Variants in CREBBP observed in about 807,000 individuals in gnomAD.
CREBBP encodes the protein CREB binding lysine acetyltransferase, also known as CREB-binding protein.
A neutral mutation model predicts 265.0 loss-of-function variants in CREBBP; 19 were observed. The ratio of observed to expected loss-of-function variants is 0.07; its 90% confidence interval spans 0.05 to 0.11. The LOEUF (loss-of-function observed/expected upper bound fraction) is 0.11, where lower values mean the gene tolerates loss of function less well. Ranked by LOEUF, CREBBP falls within the 10% of genes least tolerant of loss-of-function variation. The pLI, the probability that CREBBP is intolerant of heterozygous loss-of-function variation, is 1.00. For synonymous variants in CREBBP, 1,457 were observed against 1,223.7 expected, an observed-to-expected ratio of 1.19 and a Z score of -3.98; for missense variants, 2,525 against 3,219.0, an observed-to-expected ratio of 0.78 and a Z score of 5.22.
intron 23 of CREBBP, chr16:3,742,776 G>C (rs910560925): frequency 1.3e-5 from 2 of 152,054 alleles, no homozygotes; most frequent in Non-Finnish European, 2.9e-5. Flanking sequence ...CTCACACTGA[G>C]AGTAGAGCTA....
intron 14 of CREBBP, among the ~76,000 whole-genome samples, chr16:3,769,881 T>C (rs907983027): frequency 6.6e-6 from 1 of 152,154 alleles, no homozygotes; most frequent in Non-Finnish European, 1.5e-5. Context: ...TGGAATTTTT[T>C]TTTTTTTGAG....
chr16:3,747,745 G>A (rs1467094967), intron 21 of CREBBP, among the ~76,000 whole-genome samples: 1 of 152,042 alleles, frequency 6.6e-6, no homozygotes, highest in Non-Finnish European at 1.5e-5. Flanking sequence ...GGTGGATCAC[G>A]AGGTCAGGAG....
At chr16:3,868,743 T>C (rs891314453) in intron 1 of CREBBP, among the ~76,000 whole-genome samples, 1 of 152,090 alleles carries the variant, frequency 6.6e-6, no homozygotes, top group Admixed American at 6.6e-5. Context: ...TGAAATGCTA[T>C]AGGCCACGGT....
chr16:3,751,675 AT>A (rs1480279418), intron 20 of CREBBP, 50 bp downstream of exon 20: 1 of 1,565,794 alleles, frequency 6.4e-7, no homozygotes, highest in South Asian at 1.1e-5. Flanking sequence ...GGAAAAAACA[AT>A]TTAAGGTCAC....
intron 2 of CREBBP, among the ~76,000 whole-genome samples, chr16:3,849,550 T>TCC (rs1229588136): frequency 1.2e-5 from 1 of 84,078 alleles, no homozygotes; most frequent in Non-Finnish European, 2.4e-5. Context: ...TTTTTTTTTT[T>TCC]CCAAGAGACA....
At chr16:3,753,166 C>T (rs1295080388) in intron 19 of CREBBP, among the ~76,000 whole-genome samples, 2 of 152,172 alleles carry the variant, frequency 1.3e-5, no homozygotes, top group Non-Finnish European at 2.9e-5. Context: ...CAGAATGGGA[C>T]GCGGCAGCTG....
chr16:3,814,314 G>A (rs1382648803), intron 2 of CREBBP, among the ~76,000 whole-genome samples: 2 of 150,578 alleles, frequency 1.3e-5, no homozygotes, highest in African/African-American at 4.9e-5. Flanking sequence ...GAATGCAGTG[G>A]CATGATTTCA....
At chr16:3,846,172 GACAA>G (rs1326082294) in intron 2 of CREBBP, among the ~76,000 whole-genome samples, 3 of 152,106 alleles carry the variant, frequency 2.0e-5, no homozygotes, top group Admixed American at 6.6e-5. Context: ...GAGAAAAAAT[GACAA>G]ACAATTCAAG....
chr16:3,837,958 C>G (rs543915111), intron 2 of CREBBP, among the ~76,000 whole-genome samples: 1 of 152,158 alleles, frequency 6.6e-6, no homozygotes. Context: ...CCTGCAAACA[C>G]CATTCATAGT....
At chr16:3,783,602 A>G (rs975043593) in intron 5 of CREBBP, among the ~76,000 whole-genome samples, 1 of 152,118 alleles carries the variant, frequency 6.6e-6, no homozygotes, top group African/African-American at 2.4e-5. Flanking sequence ...TGATTGATTG[A>G]CTGACTGAGC....
At chr16:3,794,102 C>T (rs905632180) in intron 3 of CREBBP, among the ~76,000 whole-genome samples, 7 of 151,702 alleles carry the variant, frequency 4.6e-5, no homozygotes, top group Non-Finnish European at 1.0e-4. Flanking sequence ...CCGAGGCAGG[C>T]GGATCACGAG....
rs774169697 is a variant in CREBBP, at chr16:3,736,632, T to G, written c.4560+18A>C. On this transcript the variant is annotated intron_variant, in intron 27 of 30. Coordinates refer to ENST00000262367, the MANE Select transcript of CREBBP (RefSeq NM_004380.3). Reference sequence around the variant, plus strand: ...TCAGTTGTGACAAAAGCCACCACCTTCCTTCAGCGCCGGGTACCTTGTAGT... The same window carrying G: ...TCAGTTGTGACAAAAGCCACCACCTGCCTTCAGCGCCGGGTACCTTGTAGT... 1 of 1,614,198 alleles carries G rather than the reference T, an allele frequency of 6.2e-7. No homozygotes were observed. The highest frequency in any genetic ancestry group is 2.2e-5 in the East Asian group (1 of 44,886).
At chr16:3,813,600 T>C (rs889145706) in intron 2 of CREBBP, among the ~76,000 whole-genome samples, 5 of 152,130 alleles carry the variant, frequency 3.3e-5, no homozygotes, top group South Asian at 2.1e-4. Context: ...ACAAAAAATA[T>C]AGTTTTTTTT....
Position 3,727,670 on chromosome 16 carries a change from A to C in CREBBP, c.*48T>G, listed in dbSNP as rs760052559. 1 of 1,613,526 alleles carries C rather than the reference A, an allele frequency of 6.2e-7. No individual in the cohort carries two copies. Among genetic ancestry groups the C allele is most frequent in the East Asian group, 2.2e-5 (1 of 44,874 alleles). On this transcript the variant is annotated 3_prime_UTR_variant, in exon 31 of 31. Coordinates refer to ENST00000262367, the MANE Select transcript of CREBBP (RefSeq NM_004380.3). ...GAACCTAGATGCCTGGATTTTCAGT[A>C]CAAAAGGTCCAAGAACATGAAAGGG...
chr16:3,814,550 C>T, intron 2 of CREBBP, among the ~76,000 whole-genome samples: 1 of 152,104 alleles, frequency 6.6e-6, no homozygotes, highest in South Asian at 2.1e-4. Flanking sequence ...AGCCACCACG[C>T]CTGGCCATAA....
chr16:3,870,262 A>T (rs1007342035), intron 1 of CREBBP, among the ~76,000 whole-genome samples: 2 of 152,216 alleles, frequency 1.3e-5, no homozygotes, highest in Non-Finnish European at 2.9e-5. Flanking sequence ...ACAGAGCTGA[A>T]TCTGTTCCTT....
intron 1 of CREBBP, among the ~76,000 whole-genome samples, chr16:3,867,946 TA>T (rs1022952573): frequency 1.9e-4 from 29 of 151,716 alleles, no homozygotes; most frequent in Admixed American, 7.2e-4. Flanking sequence ...AAAATAAATT[TA>T]AAAAAATAGA....
intron 2 of CREBBP, 30 bp from the exon 3 acceptor site, chr16:3,810,809 T>G (rs1361341749): frequency 1.9e-6 from 3 of 1,610,698 alleles, no homozygotes; most frequent in Non-Finnish European, 2.5e-6. Context: ...ACATCAGCTG[T>G]GGTGACGCAG....
chr16:3,797,003 C>A (rs2141297234), intron 3 of CREBBP, among the ~76,000 whole-genome samples: 2 of 152,266 alleles, frequency 1.3e-5, no homozygotes, highest in Admixed American at 1.3e-4. Context: ...CACTTAATTT[C>A]CTCCTCTCCC....
Sources: allele counts gnomAD v4.1 joint callset (sites outside exome capture counted in the v4.1 genomes callset), GRCh38; gene constraint gnomAD v4.1.1; transcripts MANE v1.5; gene names NCBI Gene and HGNC (gene_info 2026-07-23, HGNC 2026-07-21).